The following NTM variants were observed in gnomAD, a reference collection of about 807,000 sequenced individuals.
NTM encodes neurotrimin.
A neutral mutation model predicts 42.1 loss-of-function variants in NTM; 13 were observed. The ratio of observed to expected loss-of-function variants is 0.31; its 90% CI spans 0.20 to 0.49. The LOEUF (loss-of-function observed/expected upper bound fraction) is 0.49, where lower values mean the gene tolerates loss of function less well. Among genes scored for constraint, NTM ranks in the 20% least tolerant of loss-of-function variants. NTM has a pLI of 0.99. For missense variants in NTM, 373 were observed against 452.8 expected (o/e 0.82, Z 1.60); for synonymous variants, 187 against 179.2 (o/e 1.04, Z -0.35).
intron 1 of NTM, among the ~76,000 whole-genome samples, chr11:131,842,489 C>G (rs1211330735): frequency 6.6e-6 from 1 of 152,114 alleles, no homozygotes; most frequent in Admixed American, 6.6e-5. Flanking sequence ...CATCGAGAGG[C>G]AGTAGTCTCC....
At chr11:131,642,814 A>G (rs1360967807) in intron 1 of NTM, among the ~76,000 whole-genome samples, 2 of 152,056 alleles carry the variant, frequency 1.3e-5, no homozygotes, top group Non-Finnish European at 2.9e-5. Context: ...GCTTTTTCTC[A>G]TCTATCCAAT....
At chr11:132,200,393 G>A (rs1042451056) in intron 3 of NTM, among the ~76,000 whole-genome samples, 1 of 152,158 alleles carries the variant, frequency 6.6e-6, no homozygotes, top group African/African-American at 2.4e-5. Flanking sequence ...TCTTCTCAGG[G>A]CTAATGACCC....
At chr11:132,139,702 T>A (rs1461757012) in intron 2 of NTM, among the ~76,000 whole-genome samples, 1 of 152,206 alleles carries the variant, frequency 6.6e-6, no homozygotes, top group Non-Finnish European at 1.5e-5. Flanking sequence ...TTTGTATTTG[T>A]GAGTGCAGGT....
In NTM at chr11:131,837,705, C is replaced by A. The variant is rs552166160; in HGVS notation, c.83-73859C>A. ...CTCCTGGGTGGAAAAGGTTCCTGTG[C>A]ACCCGAGGGCTATGCGTGGTGTTGC... On this transcript the variant is annotated intron_variant, in intron 1 of 8. Transcript: ENST00000683400. Among the ~76,000 whole-genome samples the A allele has an allele frequency of 9.2e-5, 14 of 152,178 alleles. No homozygotes were observed. The South Asian group carries it at 2.1e-3, about 23-fold the overall frequency.
chr11:132,206,826 T>C (rs146387719), intron 3 of NTM, among the ~76,000 whole-genome samples: 3 of 152,336 alleles, frequency 2.0e-5, no homozygotes, highest in South Asian at 4.1e-4. Context: ...TCTCTGGAAC[T>C]CTCTCTAGCT....
At chr11:132,196,428 C>T (rs1442700126) in intron 3 of NTM, among the ~76,000 whole-genome samples, 3 of 152,058 alleles carry the variant, frequency 2.0e-5, no homozygotes, top group African/African-American at 7.2e-5. Context: ...CAATGCAGCA[C>T]TCTTGTTACT....
chr11:132,314,519 G>A lies in NTM; in HGVS notation c.783-33G>A, dbSNP rs370542721. ...TCCTATGAGGACACATAACCATCTT[G>A]TTTTCTTCTTTTTTGTCTTTTGTTT... On this transcript the variant is annotated intron_variant, in intron 6 of 8. Transcript: ENST00000683400. The A allele has an allele frequency of 7.0e-5, 112 of 1,591,012 alleles. No individual in the cohort carries two copies. The African/African-American group carries it at 1.4e-3, about 20-fold the overall frequency.
chr11:132,329,921 C>T (rs568758112), intron 7 of NTM, among the ~76,000 whole-genome samples: 1 of 152,316 alleles, frequency 6.6e-6, no homozygotes, highest in South Asian at 2.1e-4. Context: ...CATCCTTCTC[C>T]AGCCATCTGC....
intron 1 of NTM, among the ~76,000 whole-genome samples, chr11:131,661,411 T>C (rs1425150464): frequency 6.6e-6 from 1 of 152,240 alleles, no homozygotes; most frequent in Non-Finnish European, 1.5e-5. Context: ...ACGTCATTCC[T>C]GACATGATCA....
chr11:132,252,663 G>A (rs2092076966), intron 4 of NTM, among the ~76,000 whole-genome samples: 1 of 152,130 alleles, frequency 6.6e-6, no homozygotes, highest in East Asian at 1.9e-4. Context: ...ATTATAGATG[G>A]GAAACACAGG....
chr11:132,195,361 G>A (rs550456659), intron 3 of NTM, among the ~76,000 whole-genome samples: 72 of 151,860 alleles, frequency 4.7e-4, no homozygotes, highest in African/African-American at 1.7e-3. Flanking sequence ...TGTTAAAATG[G>A]CCATACTTCC....
chr11:132,277,782 T>C (rs1565367710), intron 4 of NTM, among the ~76,000 whole-genome samples: 1 of 152,138 alleles, frequency 6.6e-6, no homozygotes, highest in African/African-American at 2.4e-5. Flanking sequence ...TGTTACAATA[T>C]TGGTAATTGT....
chr11:131,581,172 C>T (rs755534296), intron 1 of NTM, among the ~76,000 whole-genome samples: 133 of 152,350 alleles, frequency 8.7e-4, no homozygotes, highest in Non-Finnish European at 1.6e-3. Context: ...CAGAAGAGCT[C>T]TTTTCCCCTT....
intron 1 of NTM, among the ~76,000 whole-genome samples, chr11:131,573,851 G>T (rs886558018): frequency 1.3e-5 from 2 of 152,052 alleles, no homozygotes; most frequent in Admixed American, 6.6e-5. Flanking sequence ...GTCCCCACAT[G>T]GATTTCTTCT....
chr11:131,738,585 G>C (rs970456842), intron 1 of NTM, among the ~76,000 whole-genome samples: 1 of 152,160 alleles, frequency 6.6e-6, no homozygotes, highest in Non-Finnish European at 1.5e-5. Context: ...GGAAACTGTG[G>C]CTCCCTTCTT....
chr11:131,966,352 A>G (rs1279454049), intron 2 of NTM, among the ~76,000 whole-genome samples: 1 of 152,190 alleles, frequency 6.6e-6, no homozygotes, highest in Non-Finnish European at 1.5e-5. Context: ...TCCCTCACAG[A>G]GCTTACATTC....
chr11:131,598,724 T>TTTC (rs1491552817), intron 1 of NTM, among the ~76,000 whole-genome samples: 3 of 91,500 alleles, frequency 3.3e-5, no homozygotes, highest in African/African-American at 4.0e-5. Context: ...TCTTTCTTTC[T>TTTC]TTCTTTCTTT....
chr11:131,479,687 A>T (rs1034289624), intron 1 of NTM, among the ~76,000 whole-genome samples: 1 of 152,156 alleles, frequency 6.6e-6, no homozygotes, highest in African/African-American at 2.4e-5. Flanking sequence ...AATGTAAGAA[A>T]GGGACGATGA....
chr11:131,510,400 C>T (rs542963357), intron 1 of NTM, among the ~76,000 whole-genome samples: 6 of 152,224 alleles, frequency 3.9e-5, no homozygotes, highest in South Asian at 2.1e-4. Flanking sequence ...GTTTTCTCAG[C>T]ATAGATGGAG....
Sources: gnomAD v4.1 joint callset for allele counts (sites outside exome capture counted in the v4.1 genomes callset) on GRCh38, gnomAD v4.1.1 for gene constraint, MANE v1.5 for transcripts, NCBI Gene and HGNC (gene_info 2026-07-23, HGNC 2026-07-21) for gene names.